Variants in CCDC7 observed in about 807,000 individuals in gnomAD.
The protein encoded by CCDC7 is coiled-coil domain-containing protein 7.
CCDC7 carries 183 observed loss-of-function variants against 196.9 expected under a neutral mutation model. That is an observed-to-expected ratio of 0.93 (90% confidence interval 0.82 to 1.05). The LOEUF (loss-of-function observed/expected upper bound fraction) is 1.05, where lower values mean the gene tolerates loss of function less well. Ranked by LOEUF, CCDC7 falls within the 50% of genes least tolerant of loss-of-function variation. CCDC7 has a pLI of 0.00. For missense variants in CCDC7, 1,540 were observed against 1,482.2 expected (o/e 1.04, Z -0.64); for synonymous variants, 525 against 484.6 (o/e 1.08, Z -1.10).
intron 18 of CCDC7, among the ~76,000 whole-genome samples, chr10:32,625,358 C>G (rs1490390974): frequency 6.6e-6 from 1 of 151,176 alleles, no homozygotes; most frequent in Non-Finnish European, 1.5e-5. Flanking sequence ...ATTTGTTTGA[C>G]CTATGTGTCT....
Position 32,664,031 on chromosome 10 carries a change from A to G in CCDC7, c.2015-23A>G, listed in dbSNP as rs562365756. The G allele has an allele frequency of 1.0e-5, 4 of 395,366 alleles. No individual in the cohort carries two copies. In the East Asian group the frequency reaches 1.4e-4, roughly 14 times the overall value. 24.5% of individuals were successfully genotyped at this position (395,366 alleles called of 1,614,324 possible). On this transcript the variant is annotated intron_variant, in intron 20 of 41. Transcript: ENST00000639629. ...TTTCACTATAGTTTATGTTTAGTGC[A>G]CTAAATTTATTAATTTGTGTAGCTC...
At position 32,522,046 on chromosome 10, in the gene CCDC7, G is replaced by A. The variant is rs554368707; in HGVS notation, c.993+3541G>A. Reference sequence around the variant, plus strand: ...TGAATCCCACTTGGTCATGATGAATGATCCTTTTAATGTATTGGTGAATGT... The same window carrying A: ...TGAATCCCACTTGGTCATGATGAATAATCCTTTTAATGTATTGGTGAATGT... On this transcript the variant is annotated intron_variant, in intron 11 of 41. Transcript: ENST00000639629. Among the ~76,000 whole-genome samples, 3 of 152,206 alleles carry A rather than the reference G, an allele frequency of 2.0e-5. No homozygotes were observed. The East Asian group carries it at 5.8e-4, about 29-fold the overall frequency.
chr10:32,739,118 A>AT (rs1459276261), intron 28 of CCDC7, among the ~76,000 whole-genome samples: 3 of 151,872 alleles, frequency 2.0e-5, no homozygotes, highest in African/African-American at 7.3e-5. Context: ...AGGTCTAGAC[A>AT]TTTTTGCTAT....
At chr10:32,583,390 A>AGC in intron 17 of CCDC7, 83 bp downstream of exon 18, 3 of 909,880 alleles carry the variant, frequency 3.3e-6, no homozygotes, top group African/African-American at 1.7e-5. Context: ...TAAATGGGTT[A>AGC]AAAATTCAAT....
chr10:32,542,285 G>A (rs560221237), intron 11 of CCDC7, among the ~76,000 whole-genome samples: 1 of 152,132 alleles, frequency 6.6e-6, no homozygotes, highest in African/African-American at 2.4e-5. Context: ...AACGATTTGA[G>A]CATAGTTTGA....
intron 24 of CCDC7, among the ~76,000 whole-genome samples, chr10:32,703,699 A>C (rs1475421802): frequency 6.6e-6 from 1 of 151,964 alleles, no homozygotes; most frequent in African/African-American, 2.4e-5. Context: ...TATTTCTTGG[A>C]GTCTTTGTTC....
At chr10:32,702,643 G>C (rs907896512) in intron 24 of CCDC7, among the ~76,000 whole-genome samples, 7 of 152,120 alleles carry the variant, frequency 4.6e-5, no homozygotes, top group African/African-American at 1.7e-4. Flanking sequence ...CATTATTATT[G>C]TGTGGGAGTC....
chr10:32,791,319 C>T (rs975448326), intron 29 of CCDC7, among the ~76,000 whole-genome samples: 1 of 151,404 alleles, frequency 6.6e-6, no homozygotes, highest in African/African-American at 2.4e-5. Context: ...AACACAGGTA[C>T]ATAAGAATCA....
At chr10:32,844,938 C>T (rs889021056) in intron 33 of CCDC7, among the ~76,000 whole-genome samples, 1 of 151,660 alleles carries the variant, frequency 6.6e-6, no homozygotes, top group African/African-American at 2.4e-5. Context: ...TGCTTTATTT[C>T]TATAGAGACT....
At position 32,856,002 on chromosome 10, in the gene CCDC7, A is replaced by T. The variant is rs180719025; in HGVS notation, c.4111+1513A>T. 2.6e-3 allele frequency among the ~76,000 whole-genome samples: 393 copies of T among 152,320 alleles called. 2 individuals are homozygous for T. The highest frequency in any genetic ancestry group is 9.7e-3 in the Admixed American group (148 of 15,288). ...GAAAAAATAGTCTTTACAACATATGATGCTGAGAAAACTAGATATCCACAT... is the reference window on the plus strand; with the variant it reads ...GAAAAAATAGTCTTTACAACATATGTTGCTGAGAAAACTAGATATCCACAT... On this transcript the variant is annotated intron_variant, in intron 41 of 41. Coordinates refer to ENST00000639629, the Ensembl canonical transcript of CCDC7.
At chr10:32,876,554 G>A, downstream of CCDC7, 1 of 588,468 alleles carries the variant, frequency 1.7e-6, no homozygotes, top group South Asian at 2.5e-5. Flanking sequence ...GGTAGGCCCA[G>A]ATCACAGAAG....
At chr10:32,701,288 G>C (rs2078677227) in intron 24 of CCDC7, among the ~76,000 whole-genome samples, 1 of 152,082 alleles carries the variant, frequency 6.6e-6, no homozygotes, top group African/African-American at 2.4e-5. Context: ...TTTGTCAAAG[G>C]CCTTTTCTTC....
intron 21 of CCDC7, among the ~76,000 whole-genome samples, chr10:32,678,286 G>A (rs1397745381): frequency 1.3e-5 from 2 of 152,156 alleles, no homozygotes; most frequent in Admixed American, 1.3e-4. Context: ...CATCAACAGA[G>A]CATCCCGTGG....
intron 21 of CCDC7, among the ~76,000 whole-genome samples, chr10:32,667,915 G>T (rs1226961309): frequency 1.3e-5 from 2 of 152,172 alleles, no homozygotes; most frequent in East Asian, 3.9e-4. Flanking sequence ...GAAAGTCACT[G>T]GTAGCTTGAT....
chr10:32,871,139 CT>C (rs1314266389), intron 41 of CCDC7, among the ~76,000 whole-genome samples: 1 of 152,174 alleles, frequency 6.6e-6, no homozygotes, highest in Admixed American at 6.6e-5. Flanking sequence ...AGGATTCTCT[CT>C]TTTTCTATTG....
chr10:32,776,691 G>C (rs533741298), intron 28 of CCDC7, among the ~76,000 whole-genome samples: 5 of 152,120 alleles, frequency 3.3e-5, no homozygotes, highest in Middle Eastern at 3.4e-3. Flanking sequence ...TAGTATAATC[G>C]ATGGCATATA....
At chr10:32,491,521 G>C (rs918894336) in intron 8 of CCDC7, among the ~76,000 whole-genome samples, 1 of 152,064 alleles carries the variant, frequency 6.6e-6, no homozygotes, top group African/African-American at 2.4e-5. Flanking sequence ...AACTAAAGCA[G>C]TTCTGTTTTA....
At chr10:32,680,086 A>G (rs2075639539) in intron 21 of CCDC7, among the ~76,000 whole-genome samples, 1 of 152,234 alleles carries the variant, frequency 6.6e-6, no homozygotes, top group African/African-American at 2.4e-5. Context: ...ACTTAGATGT[A>G]CTGAGTTATT....
At chr10:32,700,713 T>A (rs1250760012) in intron 24 of CCDC7, among the ~76,000 whole-genome samples, 3 of 152,254 alleles carry the variant, frequency 2.0e-5, no homozygotes, top group African/African-American at 2.4e-5. Context: ...CATTTGTTTA[T>A]GTCCTCTTTT....
Sources: allele counts gnomAD v4.1 joint callset (sites outside exome capture counted in the v4.1 genomes callset), GRCh38; gene constraint gnomAD v4.1.1; transcripts MANE v1.5; gene names NCBI Gene and HGNC (gene_info 2026-07-23, HGNC 2026-07-21).